DCC: variants seen among roughly 807,000 people sequenced by gnomAD.
DCC encodes DCC netrin 1 receptor.
DCC carries 58 observed loss-of-function variants against 172.5 expected under a neutral mutation model. The ratio of observed to expected loss-of-function variants is 0.34; its 90% confidence interval spans 0.27 to 0.42. The LOEUF is 0.42. Among genes scored for constraint, DCC ranks in the 10% least tolerant of loss-of-function variants. DCC has a pLI of 1.00. For missense variants in DCC, 1,740 were observed against 1,791.0 expected (o/e 0.97, Z 0.51); for synonymous variants, 709 against 644.5 (o/e 1.10, Z -1.52).
At chr18:53,407,532 T>TAA (rs1909736300) in intron 19 of DCC, among the ~76,000 whole-genome samples, 1 of 115,718 alleles carries the variant, frequency 8.6e-6, no homozygotes. Flanking sequence ...ATTCTGGATA[T>TAA]ATATATATAT....
chr18:52,426,172 G>T (rs1314225454), intron 1 of DCC, among the ~76,000 whole-genome samples: 1 of 152,038 alleles, frequency 6.6e-6, no homozygotes. Context: ...CAAAGCACTT[G>T]TGCCTTATGA....
intron 1 of DCC, among the ~76,000 whole-genome samples, chr18:52,471,791 A>C (rs2144562158): frequency 6.6e-6 from 1 of 152,294 alleles, no homozygotes; most frequent in East Asian, 1.9e-4. Flanking sequence ...CTAATAAAGA[A>C]TGGCCATTCT....
intron 8 of DCC, among the ~76,000 whole-genome samples, chr18:53,164,202 C>T (rs1016836755): frequency 2.0e-5 from 3 of 152,028 alleles, no homozygotes; most frequent in Non-Finnish European, 4.4e-5. Context: ...AGTTGATTTG[C>T]ATTATTTATT....
rs73458987 is a variant in DCC at position 52,937,265 on chromosome 18, T to C, written c.985+11895T>C. Among the ~76,000 whole-genome samples the C allele has an allele frequency of 1.5e-3, 230 of 152,318 alleles. 1 individual carries two copies. The highest frequency in any genetic ancestry group is 5.4e-3 in the African/African-American group (226 of 41,568). On this transcript the variant is annotated intron_variant, in intron 5 of 28. Coordinates refer to ENST00000442544, the MANE Select transcript of DCC (RefSeq NM_005215.4). ...TAAAATAATATATGACATTCTTGAC[T>C]CAGAAGAAGATAGCAGTGAATGAGT...
At chr18:53,341,426 C>T (rs1326525210) in intron 15 of DCC, among the ~76,000 whole-genome samples, 1 of 152,080 alleles carries the variant, frequency 6.6e-6, no homozygotes, top group African/African-American at 2.4e-5. Context: ...TCCCCAAATG[C>T]TTAACAAGAA....
At chr18:52,698,354 A>G (rs1393048401) in intron 1 of DCC, among the ~76,000 whole-genome samples, 1 of 152,116 alleles carries the variant, frequency 6.6e-6, no homozygotes, top group Non-Finnish European at 1.5e-5. Flanking sequence ...AAAGAATATT[A>G]ATTTATTTCT....
At chr18:52,895,158 T>C in intron 2 of DCC, among the ~76,000 whole-genome samples, 1 of 152,250 alleles carries the variant, frequency 6.6e-6, no homozygotes, top group Admixed American at 6.5e-5. Context: ...GCTTTTCTGC[T>C]TTTGAAGGAT....
rs1396788346 is a variant in DCC at position 52,752,338 on chromosome 18, T to C, written c.376T>C (p.Ser126Pro). The C allele has an allele frequency of 1.2e-6, 2 of 1,614,090 alleles. No individual in the cohort carries two copies. The highest frequency in any genetic ancestry group is 1.7e-6 in the Non-Finnish European group (2 of 1,180,044). Reference protein sequence around the residue: ...QCEASLGDSGSIISRTAKVAV... With the variant: ...QCEASLGDSGPIISRTAKVAV... ...TGAGGCATCTTTAGGAGATTCTGGCTCAATTATTAGTCGGACAGCAAAAGT... is the reference window on the plus strand; with the variant it reads ...TGAGGCATCTTTAGGAGATTCTGGCCCAATTATTAGTCGGACAGCAAAAGT... The change falls in exon 2 of 29, where the codon TCA becomes CCA. Residue 126 changes from serine (S) to proline (P), a missense_variant. Physicochemically the swap from Ser to Pro is moderately conservative, Grantham distance 74. Around this residue, in one of 2 missense-constraint regions of DCC, gnomAD observed 1,732 missense variants for 1,767.4 expected, o/e 0.98. Transcript: ENST00000442544.
intron 2 of DCC, among the ~76,000 whole-genome samples, chr18:52,830,724 C>T (rs560699109): frequency 5.3e-5 from 8 of 152,108 alleles, no homozygotes; most frequent in Non-Finnish European, 8.8e-5. Flanking sequence ...AATGTGAATG[C>T]CCCCGTTGGG....
At position 53,435,855 on chromosome 18, in the gene DCC, T is replaced by C. The variant is rs577467444; in HGVS notation, c.3229+646T>C. 2.0e-5 allele frequency among the ~76,000 whole-genome samples: 3 copies of C among 152,258 alleles called. No individual in the cohort carries two copies. In the South Asian group the frequency reaches 6.2e-4, roughly 32 times the overall value. On this transcript the variant is annotated intron_variant, in intron 22 of 28. Transcript: ENST00000442544. ...TGCATTCCAGGATCTTATCCTTAGT[T>C]TTGCTGAAACAAACTTTAAAAGGAT...
At chr18:52,921,834 C>A (rs1276004995) in intron 3 of DCC, among the ~76,000 whole-genome samples, 2 of 151,086 alleles carry the variant, frequency 1.3e-5, no homozygotes, top group African/African-American at 2.4e-5. Flanking sequence ...TTAAGTAGAT[C>A]TTGATGTTTT....
At chr18:53,352,960 C>A (rs1370051892) in intron 15 of DCC, among the ~76,000 whole-genome samples, 1 of 152,092 alleles carries the variant, frequency 6.6e-6, no homozygotes, top group Non-Finnish European at 1.5e-5. Flanking sequence ...CTTGACCTTA[C>A]CATTATTGAC....
At chr18:52,439,747 T>C (rs964843448) in intron 1 of DCC, among the ~76,000 whole-genome samples, 3 of 152,134 alleles carry the variant, frequency 2.0e-5, no homozygotes, top group Admixed American at 6.5e-5. Flanking sequence ...TCAATAAATA[T>C]TTACCTAGTG....
intron 3 of DCC, among the ~76,000 whole-genome samples, chr18:52,907,499 C>T (rs2039906896): frequency 6.6e-6 from 1 of 151,988 alleles, no homozygotes; most frequent in African/African-American, 2.4e-5. Flanking sequence ...TCACTGCTGC[C>T]TCAACTTCCC....
intron 25 of DCC, among the ~76,000 whole-genome samples, chr18:53,480,384 A>C (rs2045817781): frequency 6.6e-6 from 1 of 152,206 alleles, no homozygotes; most frequent in African/African-American, 2.4e-5. Flanking sequence ...GCCTTCCTTC[A>C]GCTTATAAAT....
chr18:52,750,863 T>C (rs2036983566), intron 1 of DCC, among the ~76,000 whole-genome samples: 1 of 151,250 alleles, frequency 6.6e-6, no homozygotes, highest in Middle Eastern at 3.2e-3. Context: ...TACAGAAAAA[T>C]GAAGGAAGCT....
chr18:53,216,639 T>TA (rs757591606), intron 12 of DCC, among the ~76,000 whole-genome samples: 18 of 152,156 alleles, frequency 1.2e-4, no homozygotes, highest in Non-Finnish European at 2.5e-4. Context: ...TCATATTTTG[T>TA]AAAAAATCTA....
intron 1 of DCC, among the ~76,000 whole-genome samples, chr18:52,670,788 C>T (rs890789746): frequency 9.2e-5 from 14 of 151,678 alleles, no homozygotes; most frequent in Admixed American, 5.3e-4. Context: ...TGCAGTGAGC[C>T]GAGATTGCGC....
chr18:52,416,371 T>G (rs938036949), intron 1 of DCC, among the ~76,000 whole-genome samples: 25 of 152,204 alleles, frequency 1.6e-4, no homozygotes, highest in African/African-American at 4.8e-4. Context: ...TGGAGAGTTC[T>G]GTAGATGTCT....
Sources: allele counts gnomAD v4.1 joint callset (sites outside exome capture counted in the v4.1 genomes callset), GRCh38; gene constraint gnomAD v4.1.1; regional missense constraint gnomAD v4.1.1; transcripts MANE v1.5; gene names NCBI Gene and HGNC (gene_info 2026-07-23, HGNC 2026-07-21).